PPHLN1: variants seen among roughly 807,000 people sequenced by gnomAD.
PPHLN1 encodes periphilin 1, also known as periphilin-1.
PPHLN1 carries 29 observed loss-of-function variants against 51.3 expected under a neutral mutation model. The observed-to-expected ratio is 0.57, with a 90% CI of 0.42 to 0.77. The LOEUF (loss-of-function observed/expected upper bound fraction) is 0.77. Ranked by LOEUF, PPHLN1 falls within the 30% of genes least tolerant of loss-of-function variation. The pLI is 0.00. For synonymous variants in PPHLN1, 147 were observed against 147.8 expected (o/e 0.99, Z 0.04); for missense variants, 436 against 438.4 (o/e 0.99, Z 0.05).
intron 9 of PPHLN1, among the ~76,000 whole-genome samples, chr12:42,404,553 A>AACAAC (rs1476690035): frequency 4.6e-5 from 5 of 109,450 alleles, no homozygotes; most frequent in African/African-American, 1.7e-4. Flanking sequence ...ACAACAACAA[A>AACAAC]AATATTTCAT....
chr12:42,382,106 C>T (rs567377535), intron 5 of PPHLN1, among the ~76,000 whole-genome samples: 93 of 151,974 alleles, frequency 6.1e-4, no homozygotes, highest in African/African-American at 2.1e-3. Flanking sequence ...CATTTCTTTT[C>T]GCAGGAAAAC....
chr12:42,367,719 T>C (rs1466814572), intron 4 of PPHLN1, among the ~76,000 whole-genome samples: 2 of 152,196 alleles, frequency 1.3e-5, no homozygotes, highest in African/African-American at 2.4e-5. Flanking sequence ...CATTAAAAGA[T>C]TAAAAGTAAA....
chr12:42,404,665 GTTGT>G (rs914279633), intron 9 of PPHLN1, among the ~76,000 whole-genome samples: 59 of 152,284 alleles, frequency 3.9e-4, no homozygotes, highest in African/African-American at 1.3e-3. Context: ...TTGTTTTGTT[GTTGT>G]TTATTTCCTT....
At chr12:42,336,705 C>G (rs931718297) in intron 2 of PPHLN1, among the ~76,000 whole-genome samples, 2 of 152,170 alleles carry the variant, frequency 1.3e-5, no homozygotes, top group Non-Finnish European at 2.9e-5. Flanking sequence ...TACTGACTCC[C>G]CAGAATTCCC....
At position 42,442,050 on chromosome 12, in the gene PPHLN1, A is replaced by G. The variant is rs1266192986; in HGVS notation, c.*541A>G. 6 of 807,436 alleles carry G rather than the reference A, an allele frequency of 7.4e-6. No homozygotes were observed. The South Asian group carries it at 2.8e-4, about 38-fold the overall frequency. The allele number at this position is 807,436 out of a possible 1,614,324, so 50.0% of individuals were successfully genotyped here. A position where few individuals can be genotyped will look rare whatever the true frequency, so the allele number is the denominator to read the frequency against. On this transcript the variant is annotated 3_prime_UTR_variant, in exon 10 of 10. Transcript: ENST00000358314. ...CCTCAGAAAAAAATCCGTTTTTCCA[A>G]GTAATGAACTCAGTGTCTTCTATTA... is the stretch of plus-strand genomic sequence containing the variant.
chr12:42,376,120 G>T (rs755301958), intron 5 of PPHLN1, among the ~76,000 whole-genome samples: 1 of 152,172 alleles, frequency 6.6e-6, no homozygotes, highest in Non-Finnish European at 1.5e-5. Context: ...ATGACATTGG[G>T]CTCAGCCTTA....
intron 5 of PPHLN1, among the ~76,000 whole-genome samples, chr12:42,376,455 T>C (rs560479703): frequency 2.6e-5 from 4 of 152,266 alleles, no homozygotes; most frequent in African/African-American, 9.6e-5. Flanking sequence ...GGTATATTAA[T>C]GATGATGCAG....
chr12:42,390,794 A>G (rs954801379), intron 7 of PPHLN1, among the ~76,000 whole-genome samples: 1 of 102,232 alleles, frequency 9.8e-6, no homozygotes, highest in Non-Finnish European at 2.1e-5. Flanking sequence ...AAATGTTTGC[A>G]TTTTTTTTTT....
intron 8 of PPHLN1, among the ~76,000 whole-genome samples, chr12:42,396,469 TGA>T (rs1229931358): frequency 6.6e-6 from 1 of 151,892 alleles, no homozygotes; most frequent in African/African-American, 2.4e-5. Flanking sequence ...CAAATAGCTG[TGA>T]GAGTTTTCTT....
chr12:42,397,238 T>C (rs2078321706), intron 8 of PPHLN1, among the ~76,000 whole-genome samples: 1 of 152,202 alleles, frequency 6.6e-6, no homozygotes, highest in Admixed American at 6.5e-5. Context: ...ATCACTAGTG[T>C]TGGAGATAAT....
At chr12:42,367,598 A>C (rs183624199) in intron 4 of PPHLN1, among the ~76,000 whole-genome samples, 12 of 152,252 alleles carry the variant, frequency 7.9e-5, no homozygotes, top group African/African-American at 2.2e-4. Context: ...CTTAAATATT[A>C]ATATTTAGTG....
intron 9 of PPHLN1, among the ~76,000 whole-genome samples, chr12:42,414,217 T>C (rs2080159244): frequency 6.6e-6 from 1 of 151,718 alleles, no homozygotes; most frequent in Non-Finnish European, 1.5e-5. Context: ...GTATTTTTAG[T>C]AGAGAGGGGG....
At chr12:42,385,166 A>G (rs1305280014) in intron 6 of PPHLN1, among the ~76,000 whole-genome samples, 170 bp downstream of exon 6, 1 of 152,186 alleles carries the variant, frequency 6.6e-6, no homozygotes, top group Non-Finnish European at 1.5e-5. Flanking sequence ...GTGGGCTGGT[A>G]TCTGGGCTAG....
chr12:42,332,315 A>G (rs1299204295), intron 1 of PPHLN1, among the ~76,000 whole-genome samples: 1 of 152,212 alleles, frequency 6.6e-6, no homozygotes, highest in Non-Finnish European at 1.5e-5. Flanking sequence ...ATACTAAACT[A>G]TGGAGGTATT....
At chr12:42,390,671 CT>C (rs5797794) in intron 7 of PPHLN1, among the ~76,000 whole-genome samples, 29,092 of 140,822 alleles carry the variant, frequency 0.21, 3,032 homozygotes, top group African/African-American at 0.3. Flanking sequence ...TGATTTTTTC[CT>C]TTTTTTTTTT....
chr12:42,378,221 C>G (rs2076470634), intron 5 of PPHLN1, among the ~76,000 whole-genome samples: 1 of 151,748 alleles, frequency 6.6e-6, no homozygotes, highest in East Asian at 1.9e-4. Flanking sequence ...ACTCCATTTT[C>G]AAGTATTCCT....
chr12:42,332,821 T>A (rs918585582), intron 1 of PPHLN1: 3 of 522,670 alleles, frequency 5.7e-6, no homozygotes, highest in Non-Finnish European at 6.5e-6. Flanking sequence ...CTCTTATTGT[T>A]TATTTTTCTC....
chr12:42,445,318 T>C, downstream of PPHLN1: 3 of 565,086 alleles, frequency 5.3e-6, no homozygotes, highest in Non-Finnish European at 9.4e-6. Context: ...ACCCAGAGAC[T>C]AGCTAAACAA....
intron 7 of PPHLN1, among the ~76,000 whole-genome samples, chr12:42,390,152 G>A (rs1054209535): frequency 5.9e-5 from 9 of 151,976 alleles, no homozygotes; most frequent in East Asian, 5.8e-4. Context: ...ATCACCTAGC[G>A]GTATATACTG....
Sources: gnomAD v4.1 joint callset for allele counts (sites outside exome capture counted in the v4.1 genomes callset) on GRCh38, gnomAD v4.1.1 for gene constraint, MANE v1.5 for transcripts, NCBI Gene and HGNC (gene_info 2026-07-23, HGNC 2026-07-21) for gene names.